Variants in DRICH1 observed in about 807,000 individuals in gnomAD.
The protein encoded by DRICH1 is aspartate-rich protein 1.
Under a neutral mutation model 39.5 loss-of-function variants are expected in DRICH1, and 38 were observed. That is an observed-to-expected ratio of 0.96 (90% CI 0.74 to 1.26). The LOEUF (loss-of-function observed/expected upper bound fraction) is 1.26. DRICH1 is among the 50% of genes most tolerant of loss of function. The probability of loss-of-function intolerance (pLI) is 0.00; values close to 1 mark genes in which losing one functional copy is unlikely to be tolerated. For synonymous variants in DRICH1, 84 were observed against 99.5 expected, an observed-to-expected ratio of 0.84 and a Z score of 0.93; for missense variants, 279 against 270.4, an observed-to-expected ratio of 1.03 and a Z score of -0.22.
chr22:23,592,239 G>A, the DRICH1 span, among the ~76,000 whole-genome samples: 1 of 152,240 alleles, frequency 6.6e-6, no homozygotes, highest in Non-Finnish European at 1.5e-5. Flanking sequence ...GGCTAGCAGG[G>A]TAGAAAGCAC....
the DRICH1 span, chr22:23,583,114 G>A: frequency 6.6e-6 from 1 of 152,238 alleles, no homozygotes; most frequent in African/African-American, 2.4e-5. Context: ...GAGGGTTCCT[G>A]GAATGTTGCT....
At chr22:23,606,432 T>A (rs1926734949), downstream of DRICH1, among the ~76,000 whole-genome samples, 1 of 152,134 alleles carries the variant, frequency 6.6e-6, no homozygotes, top group African/African-American at 2.4e-5. Flanking sequence ...CCCAGGTCCC[T>A]TCAAGACCCC....
intron 3 of DRICH1, among the ~76,000 whole-genome samples, chr22:23,622,845 G>T (rs776466159): frequency 1.3e-5 from 2 of 152,166 alleles, no homozygotes; most frequent in Non-Finnish European, 1.5e-5. Flanking sequence ...TAAAGATCAG[G>T]TTTCATTCAA....
downstream of DRICH1, chr22:23,608,340 C>T (rs1431307230): frequency 5.4e-6 from 1 of 186,826 alleles, no homozygotes; most frequent in Non-Finnish European, 1.1e-5. Context: ...GACAGCAAGG[C>T]TTATGAGGGC....
the DRICH1 span, among the ~76,000 whole-genome samples, chr22:23,584,433 G>A: frequency 1.1e-4 from 17 of 152,258 alleles, no homozygotes; most frequent in African/African-American, 4.1e-4. Flanking sequence ...GACTCCGCCT[G>A]CACCACCAAG....
chr22:23,608,862 C>T, intron 11 of DRICH1, 94 bp from the exon 12 acceptor site: 1 of 1,359,966 alleles, frequency 7.4e-7, no homozygotes, highest in Non-Finnish European at 1.0e-6. Flanking sequence ...CGCCAGCATC[C>T]CTGGGCTCCC....
the DRICH1 span, among the ~76,000 whole-genome samples, chr22:23,595,836 G>A: frequency 6.6e-6 from 1 of 152,198 alleles, no homozygotes; most frequent in South Asian, 2.1e-4. Context: ...ATTCTAAAGA[G>A]ATCTAGGGAG....
intron 1 of DRICH1, among the ~76,000 whole-genome samples, chr22:23,627,865 C>G (rs139945653): frequency 1.3e-5 from 2 of 152,254 alleles, no homozygotes; most frequent in East Asian, 3.9e-4. Flanking sequence ...AAGCTAGATC[C>G]CACCCCAGAG....
chr22:23,626,391 G>T (rs1326616343), intron 1 of DRICH1, among the ~76,000 whole-genome samples: 3 of 152,128 alleles, frequency 2.0e-5, no homozygotes, highest in Admixed American at 6.5e-5. Context: ...TACAAACACA[G>T]CACACAAAGC....
At chr22:23,617,468 A>T in intron 7 of DRICH1, 107 bp downstream of exon 7, 1 of 1,282,110 alleles carries the variant, frequency 7.8e-7, no homozygotes, top group Non-Finnish European at 1.1e-6. Flanking sequence ...TCTCACTTTT[A>T]CTGTTTTTCA....
the DRICH1 span, among the ~76,000 whole-genome samples, chr22:23,590,278 A>ATTTT: frequency 2.9e-5 from 4 of 137,528 alleles, no homozygotes; most frequent in African/African-American, 2.7e-5. Flanking sequence ...CAGCCCTTTG[A>ATTTT]TTTTTTTTTT....
At chr22:23,620,984 G>A (rs1160010236) in intron 4 of DRICH1, among the ~76,000 whole-genome samples, 326 of 151,672 alleles carry the variant, frequency 2.1e-3, no homozygotes, top group African/African-American at 7.6e-3. Context: ...AGAAACTCCC[G>A]CTGAACTCCA....
At chr22:23,618,936 G>A (rs1927542427) in intron 6 of DRICH1, among the ~76,000 whole-genome samples, 2 of 152,038 alleles carry the variant, frequency 1.3e-5, no homozygotes, top group Non-Finnish European at 2.9e-5. Flanking sequence ...CACTTTGGGA[G>A]GCCGAGGTGG....
At chr22:23,582,092 G>A in the DRICH1 span, among the ~76,000 whole-genome samples, 1 of 148,358 alleles carries the variant, frequency 6.7e-6, no homozygotes, top group Non-Finnish European at 1.5e-5. Context: ...CGATTCTCCT[G>A]TCTCAGCCTC....
chr22:23,625,464 C>T (rs1283847763), intron 2 of DRICH1, among the ~76,000 whole-genome samples: 5 of 152,074 alleles, frequency 3.3e-5, no homozygotes, highest in African/African-American at 1.2e-4. Flanking sequence ...GCAATGCCTG[C>T]TTGTTGGGCT....
chr22:23,621,641 G>C (rs1430859697), intron 4 of DRICH1, among the ~76,000 whole-genome samples: 1 of 152,084 alleles, frequency 6.6e-6, no homozygotes, highest in Non-Finnish European at 1.5e-5. Context: ...CGGCCAGGTG[G>C]GGTGGCTCAT....
At chr22:23,626,102 C>A in intron 1 of DRICH1, 54 bp from the exon 2 acceptor site, 1 of 1,281,066 alleles carries the variant, frequency 7.8e-7, no homozygotes, top group Non-Finnish European at 1.1e-6. Flanking sequence ...ACTGGGAGTC[C>A]CTCAGGGAGC....
chr22:23,613,253 T>C (rs1330403687), intron 11 of DRICH1, 36 bp downstream of exon 11: 14 of 1,576,122 alleles, frequency 8.9e-6, no homozygotes, highest in African/African-American at 1.4e-5. Context: ...TGGGAACCTT[T>C]TCCCATTGGG....
At chr22:23,613,476 G>A (rs1431614770) in intron 10 of DRICH1, 146 bp from the exon 11 acceptor site, 25 of 934,644 alleles carry the variant, frequency 2.7e-5, no homozygotes, top group African/African-American at 1.6e-4. Flanking sequence ...CTTCTGGGTC[G>A]ACAAACCTTC....
Sources: gnomAD v4.1 joint callset for allele counts (sites outside exome capture counted in the v4.1 genomes callset) on GRCh38, gnomAD v4.1.1 for gene constraint, MANE v1.5 for transcripts, NCBI Gene and HGNC (gene_info 2026-07-23, HGNC 2026-07-21) for gene names.